The following NFIA variants were observed in gnomAD, a reference collection of about 807,000 sequenced individuals.
NFIA encodes nuclear factor I A.
A neutral mutation model predicts 62.8 loss-of-function variants in NFIA; 8 were observed. The ratio of observed to expected loss-of-function variants is 0.13; its 90% CI spans 0.07 to 0.23. The LOEUF is 0.23. Among genes scored for constraint, NFIA ranks in the 10% least tolerant of loss-of-function variants. The pLI is 1.00. For synonymous variants in NFIA, 235 were observed against 238.1 expected, an observed-to-expected ratio of 0.99 and a Z score of 0.12; for missense variants, 410 against 642.1, an observed-to-expected ratio of 0.64 and a Z score of 3.91.
rs530260946 is a variant in NFIA, at chr1:61,115,610, G to A, written c.559+26930G>A. On this transcript the variant is annotated intron_variant, in intron 2 of 10. Coordinates refer to ENST00000403491, the MANE Select transcript of NFIA (RefSeq NM_001134673.4). ...GTAGCGTGTGTTCTGGACACGGCAC[G>A]TGGAGGCAGAGCACACATGCATAGA... Among the ~76,000 whole-genome samples the A allele has an allele frequency of 3.3e-5, 5 of 152,338 alleles. No individual in the cohort carries two copies. The South Asian group carries it at 6.2e-4, about 19-fold the overall frequency.
intron 2 of NFIA, among the ~76,000 whole-genome samples, chr1:61,273,916 A>G (rs1428264395): frequency 6.6e-6 from 1 of 152,212 alleles, no homozygotes; most frequent in Non-Finnish European, 1.5e-5. Flanking sequence ...TCATTTTACC[A>G]TACTAACATG....
In NFIA at chr1:61,088,749, T is replaced by A. The variant is rs544778148; in HGVS notation, c.559+69T>A. 2 of 1,515,304 alleles carry A rather than the reference T, an allele frequency of 1.3e-6. No homozygotes were observed. The highest frequency in any genetic ancestry group is 1.8e-6 in the Non-Finnish European group (2 of 1,133,068). The allele number at this position is 1,515,304 out of a possible 1,614,324, so 93.9% of individuals were successfully genotyped here. ...TTCTTTCCTGATGGCCTCCGCGTTA[T>A]GCCGGATTCTTCCTGAGCTCCCCAA... On this transcript the variant is annotated intron_variant, in intron 2 of 10. Coordinates refer to ENST00000403491, the MANE Select transcript of NFIA (RefSeq NM_001134673.4). The surrounding 1 kb of genome is among the most constrained non-coding windows in gnomAD (Gnocchi z 4.5).
At chr1:61,390,869 A>AAATG (rs1052645389) in intron 7 of NFIA, among the ~76,000 whole-genome samples, 2 of 152,242 alleles carry the variant, frequency 1.3e-5, no homozygotes, top group Non-Finnish European at 2.9e-5. Context: ...ATTGTCAAAT[A>AAATG]AATGAATGAA....
chr1:61,289,031 A>G (rs1369393033), intron 3 of NFIA, among the ~76,000 whole-genome samples: 2 of 152,182 alleles, frequency 1.3e-5, no homozygotes, highest in African/African-American at 4.8e-5. Flanking sequence ...CAACCTCTCA[A>G]AGTGCTGGGG....
chr1:61,349,598 G>A (rs1662437392), intron 4 of NFIA, among the ~76,000 whole-genome samples: 1 of 151,822 alleles, frequency 6.6e-6, no homozygotes, highest in Non-Finnish European at 1.5e-5. Context: ...ATTCGAGATG[G>A]GTTCTCACTC....
At chr1:61,166,456 C>A (rs1649572767) in intron 2 of NFIA, among the ~76,000 whole-genome samples, 1 of 152,164 alleles carries the variant, frequency 6.6e-6, no homozygotes, top group South Asian at 2.1e-4. Flanking sequence ...TCCACCCACA[C>A]TGGCCAACTG....
intron 2 of NFIA, among the ~76,000 whole-genome samples, chr1:61,252,000 T>C (rs1656073279): frequency 6.6e-6 from 1 of 152,182 alleles, no homozygotes; most frequent in Non-Finnish European, 1.5e-5. Flanking sequence ...TTCTTATAAT[T>C]ATTTCTAATT....
intron 6 of NFIA, among the ~76,000 whole-genome samples, chr1:61,366,775 T>G (rs1466996396): frequency 6.6e-6 from 1 of 151,978 alleles, no homozygotes; most frequent in African/African-American, 2.4e-5. Context: ...ACACAAAATT[T>G]AGCTGGGCGT....
chr1:61,210,495 G>C (rs1653182450), intron 2 of NFIA, among the ~76,000 whole-genome samples: 1 of 152,208 alleles, frequency 6.6e-6, no homozygotes, highest in African/African-American at 2.4e-5. Flanking sequence ...CCTTAAGCAT[G>C]TACAAATTTT....
chr1:61,155,637 C>T lies in NFIA; in HGVS notation c.559+66957C>T, dbSNP rs532081628. Among the ~76,000 whole-genome samples the T allele has an allele frequency of 7.7e-4, 109 of 140,984 alleles. 1 individual carries two copies. The South Asian group carries it at 0.013, about 16-fold the overall frequency. 92.5% of individuals were successfully genotyped at this position (140,984 alleles called of 152,430 possible). A position where few individuals can be genotyped will look rare whatever the true frequency, so the allele number is the denominator to read the frequency against. ...GCAGTGAGCCGAGATTGCGCCACTG[C>T]AGTCCGCAGTCCGGCCTGGGCGACA... On this transcript the variant is annotated intron_variant, in intron 2 of 10. Transcript: ENST00000403491.
chr1:61,114,589 G>A (rs1019249159), intron 2 of NFIA, among the ~76,000 whole-genome samples: 1 of 152,156 alleles, frequency 6.6e-6, no homozygotes, highest in African/African-American at 2.4e-5. Context: ...CTTTAAGGGA[G>A]CACGTTTCTC....
At chr1:61,439,048 A>G (rs1667460947) in intron 10 of NFIA, among the ~76,000 whole-genome samples, 2 of 147,978 alleles carry the variant, frequency 1.4e-5, no homozygotes, top group Admixed American at 1.4e-4. Context: ...CACCTGCTAC[A>G]TATGCGTCCA....
In NFIA at chr1:61,406,548, C is replaced by CCG; in HGVS notation, c.1255-13_1255-12insGC. ...TTCTTGTACGTGTGTTTTCTGCCCC[C>CCG]CCCCCCCCCACAGCCCAATGGGAGC... On this transcript the variant is annotated splice_polypyrimidine_tract_variant and intron_variant, in intron 8 of 10. Coordinates refer to ENST00000403491, the MANE Select transcript of NFIA (RefSeq NM_001134673.4). The CCG allele has an allele frequency of 2.1e-6, 2 of 933,614 alleles. No individual in the cohort carries two copies. The highest frequency in any genetic ancestry group is 3.0e-6 in the Non-Finnish European group (2 of 672,674). The allele number at this position is 933,614 out of a possible 1,614,324, so 57.8% of individuals were successfully genotyped here.
intron 5 of NFIA, among the ~76,000 whole-genome samples, chr1:61,358,857 G>C (rs1208951688): frequency 2.0e-5 from 3 of 152,122 alleles, no homozygotes; most frequent in Admixed American, 2.0e-4. Context: ...GTGGAGGCAG[G>C]AGCTAGAGCC....
rs145178715 is a variant in NFIA at position 61,143,223 on chromosome 1, C to T, written c.559+54543C>T. On this transcript the variant is annotated intron_variant, in intron 2 of 10. Transcript: ENST00000403491. ...TGTGCCCCACAGTCAGTGGCATGCTCAGTAAATATTTGTTGAATATTATTT... is the reference window on the plus strand; with the variant it reads ...TGTGCCCCACAGTCAGTGGCATGCTTAGTAAATATTTGTTGAATATTATTT... 3.0e-4 allele frequency among the ~76,000 whole-genome samples: 46 copies of T among 152,234 alleles called. No individual in the cohort carries two copies. In the East Asian group the frequency reaches 3.1e-3, roughly 10 times the overall value.
At chr1:61,115,274 C>T (rs1316177389) in intron 2 of NFIA, among the ~76,000 whole-genome samples, 1 of 152,184 alleles carries the variant, frequency 6.6e-6, no homozygotes, top group East Asian at 1.9e-4. Context: ...AGCTACTGCA[C>T]CCAGCCGCAA....
chr1:61,365,224 C>T (rs944214498), intron 6 of NFIA, among the ~76,000 whole-genome samples: 11 of 152,102 alleles, frequency 7.2e-5, no homozygotes, highest in African/African-American at 1.9e-4. Context: ...CAGAATCTCA[C>T]GCCCCACCTA....
At chr1:61,246,601 T>C (rs1051894603) in intron 2 of NFIA, among the ~76,000 whole-genome samples, 5 of 115,858 alleles carry the variant, frequency 4.3e-5, no homozygotes, top group African/African-American at 2.9e-4. Flanking sequence ...TCCTTCCAAC[T>C]CTTAAAAAAA....
Position 61,442,167 on chromosome 1 carries a change from A to G in NFIA, c.1513-13136A>G, listed in dbSNP as rs986851873. Among the ~76,000 whole-genome samples the G allele has an allele frequency of 1.3e-5, 2 of 152,004 alleles. 1 individual carries two copies. Among genetic ancestry groups the G allele is most frequent in the South Asian group, 4.1e-4 (2 of 4,824 alleles). On this transcript the variant is annotated intron_variant, in intron 10 of 10. Coordinates refer to ENST00000403491, the MANE Select transcript of NFIA (RefSeq NM_001134673.4). ...AGGGATGCCAGGCACTGAGTAGGTA[A>G]CTCCAAGGGAGTACAGGAGAGAAGC...
Sources: gnomAD v4.1 joint callset for allele counts (sites outside exome capture counted in the v4.1 genomes callset) on GRCh38, gnomAD v4.1.1 for gene constraint, Gnocchi (gnomAD v3.1) non-coding constraint, MANE v1.5 for transcripts, NCBI Gene and HGNC (gene_info 2026-07-23, HGNC 2026-07-21) for gene names.